TRIM5: variants seen among roughly 807,000 people sequenced by gnomAD.
The protein encoded by TRIM5 is tripartite motif containing 5, also known as tripartite motif-containing protein 5.
Under a neutral mutation model 35.6 loss-of-function variants are expected in TRIM5, and 31 were observed. The ratio of observed to expected loss-of-function variants is 0.87; its 90% CI spans 0.65 to 1.18. The LOEUF is 1.18. Ranked by LOEUF, TRIM5 falls within the 50% of genes most tolerant of loss-of-function variation. The pLI is 0.00. For missense variants in TRIM5, 609 were observed against 591.6 expected (o/e 1.03, Z -0.31); for synonymous variants, 243 against 215.6 (o/e 1.13, Z -1.11).
the TRIM5 span, among the ~76,000 whole-genome samples, chr11:5,639,707 A>AAAAAAAAAAAAAT: frequency 7.1e-6 from 1 of 139,912 alleles, no homozygotes; most frequent in African/African-American, 3.0e-5. Context: ...AAAAAAAAAA[A>AAAAAAAAAAAAAT]GATTGGAAGA....
the TRIM5 span, chr11:5,612,120 C>T: frequency 6.6e-6 from 1 of 152,102 alleles, no homozygotes; most frequent in Admixed American, 6.6e-5. Context: ...GTATGCAATA[C>T]TGGATTTATT....
Position 5,678,234 on chromosome 11 carries a change from C to T in TRIM5, c.714G>A (p.Arg238=). The T allele has an allele frequency of 6.2e-7, 1 of 1,613,468 alleles. No individual in the cohort carries two copies. Among genetic ancestry groups the T allele is most frequent in the South Asian group, 1.1e-5 (1 of 91,028 alleles). The change falls in exon 4 of 8, where the codon CGG becomes CGA. Residue 238 remains arginine, a synonymous_variant. Coordinates refer to ENST00000380034, the MANE Select transcript of TRIM5 (RefSeq NM_033034.3). Reference sequence around the variant, plus strand: ...GCAGCTCCATCACTGACCCCTGCAGCCGATGCTCCAGATCTGAGATGAGCT... The same window carrying T: ...GCAGCTCCATCACTGACCCCTGCAGTCGATGCTCCAGATCTGAGATGAGCT... ...LRELISDLEH[R]LQGSVMELLQ...
chr11:5,629,325 C>T, the TRIM5 span, among the ~76,000 whole-genome samples: 1 of 152,066 alleles, frequency 6.6e-6, no homozygotes, highest in Non-Finnish European at 1.5e-5. Flanking sequence ...CTGTCTTTAT[C>T]CAGTATGACC....
At chr11:5,670,257 A>C (rs534801569) in intron 4 of TRIM5, among the ~76,000 whole-genome samples, 25 of 141,496 alleles carry the variant, frequency 1.8e-4, no homozygotes, top group Non-Finnish European at 2.7e-4. Flanking sequence ...AGCTCACTGC[A>C]AGCTCTGCCT....
intron 4 of TRIM5, among the ~76,000 whole-genome samples, chr11:5,671,191 A>G (rs1218539390): frequency 1.3e-5 from 2 of 152,234 alleles, no homozygotes; most frequent in African/African-American, 2.4e-5. Flanking sequence ...GCACCACTAC[A>G]TACTAGCATG....
the TRIM5 span, among the ~76,000 whole-genome samples, chr11:5,651,854 G>T: frequency 6.6e-6 from 1 of 152,082 alleles, no homozygotes; most frequent in African/African-American, 2.4e-5. Context: ...GTGGGAGATG[G>T]TATCTCATTG....
Position 5,680,206 on chromosome 11 carries a change from C to A in TRIM5, c.-29G>T, listed in dbSNP as rs957594732. The A allele has an allele frequency of 5.8e-6, 9 of 1,552,994 alleles. No individual in the cohort carries two copies. In the South Asian group the frequency reaches 1.1e-4, roughly 19 times the overall value. On this transcript the variant is annotated 5_prime_UTR_variant, in exon 2 of 8. It adds an upstream start codon to the 5' untranslated region. Transcript: ENST00000380034. ...AGCTATTCCACTGCTCCTGCCTGTC[C>A]TGGCTGCTGAGGTTCCTCTTGTTCA...
chr11:5,636,540 A>G, the TRIM5 span, among the ~76,000 whole-genome samples: 1 of 152,334 alleles, frequency 6.6e-6, no homozygotes, highest in Middle Eastern at 3.4e-3. Context: ...AGTAAAAACA[A>G]AAACAAAAAG....
the TRIM5 span, among the ~76,000 whole-genome samples, chr11:5,606,185 C>G: frequency 1.3e-5 from 2 of 152,142 alleles, no homozygotes; most frequent in African/African-American, 2.4e-5. Context: ...TATTACCAGC[C>G]CTTCTTTGTT....
chr11:5,621,081 C>T, the TRIM5 span, among the ~76,000 whole-genome samples: 1 of 152,162 alleles, frequency 6.6e-6, no homozygotes, highest in Non-Finnish European at 1.5e-5. Context: ...TTCCTATCTC[C>T]AGCACTCATC....
chr11:5,678,935 C>A, intron 3 of TRIM5, 139 bp downstream of exon 3: 2 of 705,852 alleles, frequency 2.8e-6, no homozygotes, highest in Non-Finnish European at 4.9e-6. Context: ...CCACCACACC[C>A]CATCAGGGAA....
At chr11:5,591,433 G>A in the TRIM5 span, among the ~76,000 whole-genome samples, 1 of 152,200 alleles carries the variant, frequency 6.6e-6, no homozygotes, top group Admixed American at 6.5e-5. Flanking sequence ...CAGATCACCT[G>A]AGGTCAAGAG....
the TRIM5 span, among the ~76,000 whole-genome samples, chr11:5,619,310 G>T: frequency 3.9e-5 from 6 of 152,132 alleles, no homozygotes; most frequent in African/African-American, 1.4e-4. Context: ...ACAAGAATAC[G>T]CCTCCTTCAT....
the TRIM5 span, chr11:5,643,204 GA>G: frequency 1.9e-6 from 3 of 1,610,636 alleles, no homozygotes; most frequent in African/African-American, 1.3e-5. Flanking sequence ...GAAGATCAGA[GA>G]CAAGTGATAT....
chr11:5,602,065 T>C, the TRIM5 span, among the ~76,000 whole-genome samples: 10,172 of 152,180 alleles, frequency 0.067, 367 homozygotes, highest in South Asian at 0.11. Flanking sequence ...GATACAACCA[T>C]GAACAAAAAG....
At chr11:5,610,543 G>A in the TRIM5 span, 1 of 1,613,940 alleles carries the variant, frequency 6.2e-7, no homozygotes, top group Non-Finnish European at 8.5e-7. Flanking sequence ...AGAGCTGACA[G>A]ATGTCCAAAG....
the TRIM5 span, chr11:5,603,601 T>G: frequency 6.2e-7 from 1 of 1,613,846 alleles, no homozygotes; most frequent in Non-Finnish European, 8.5e-7. Flanking sequence ...AGCAGTTCTT[T>G]GTGCAGACCA....
chr11:5,616,203 G>T, the TRIM5 span, among the ~76,000 whole-genome samples: 3 of 43,590 alleles, frequency 6.9e-5, 1 homozygote, highest in East Asian at 9.0e-4. Flanking sequence ...CACCCGCCTC[G>T]GCCTCCCAAA....
intron 4 of TRIM5, among the ~76,000 whole-genome samples, chr11:5,668,279 C>T (rs917554584): frequency 1.3e-5 from 2 of 150,936 alleles, no homozygotes; most frequent in Non-Finnish European, 1.5e-5. Context: ...CACTTCTAAA[C>T]AAAAAGAAAA....
Sources: gnomAD v4.1 joint callset for allele counts (sites outside exome capture counted in the v4.1 genomes callset) on GRCh38, gnomAD v4.1.1 for gene constraint, MANE v1.5 for transcripts, NCBI Gene and HGNC (gene_info 2026-07-23, HGNC 2026-07-21) for gene names.